RSPH14: variants seen among roughly 807,000 people sequenced by gnomAD.
RSPH14 encodes radial spoke head 14 homolog.
A neutral mutation model predicts 26.7 loss-of-function variants in RSPH14; 20 were observed. The ratio of observed to expected loss-of-function variants is 0.75; its 90% CI spans 0.53 to 1.09. The LOEUF is 1.09. Ranked by LOEUF, RSPH14 falls within the 50% of genes least tolerant of loss-of-function variation. The pLI is 0.00. For missense variants in RSPH14, 449 were observed against 457.2 expected, an observed-to-expected ratio of 0.98 and a Z score of 0.16; for synonymous variants, 177 against 189.3, an observed-to-expected ratio of 0.93 and a Z score of 0.53.
At chr22:23,148,415 C>T (rs570457511), upstream of RSPH14, among the ~76,000 whole-genome samples, 267 of 152,304 alleles carry the variant, frequency 1.8e-3, 1 homozygote, top group African/African-American at 5.8e-3. Flanking sequence ...GCAGAGCAGA[C>T]GGCGAGGATC....
chr22:23,074,973 G>A (rs1399642270), intron 4 of RSPH14, among the ~76,000 whole-genome samples: 1 of 152,182 alleles, frequency 6.6e-6, no homozygotes, highest in Admixed American at 6.5e-5. Context: ...TTTGAGACCA[G>A]CCTGAGCAAC....
At chr22:23,173,875 C>T in the RSPH14 span, among the ~76,000 whole-genome samples, 118,844 of 151,712 alleles carry the variant, frequency 0.78, 46,860 homozygotes, top group East Asian at 0.99. Flanking sequence ...ACCAGGCTAA[C>T]TTTTTCATAT....
the RSPH14 span, among the ~76,000 whole-genome samples, chr22:23,166,147 T>TTAA: frequency 1.7e-5 from 1 of 59,888 alleles, no homozygotes; most frequent in African/African-American, 7.1e-5. Flanking sequence ...CTCTGTCTTT[T>TTAA]AAAAAAAAAA....
chr22:23,158,051 T>G, the RSPH14 span: 3 of 1,613,972 alleles, frequency 1.9e-6, no homozygotes, highest in African/African-American at 2.7e-5. Context: ...CAGGTAAGTC[T>G]GGGCTCTCTG....
At chr22:23,129,516 T>C (rs2070256715) in intron 4 of RSPH14, among the ~76,000 whole-genome samples, 1 of 150,898 alleles carries the variant, frequency 6.6e-6, no homozygotes, top group Non-Finnish European at 1.5e-5. Context: ...GAAGAAAATA[T>C]GGCAGAATAT....
chr22:23,059,676 A>G lies in RSPH14; in HGVS notation c.833T>C (p.Leu278Pro). The change falls in exon 7 of 7, where the codon CTG becomes CCG. Residue 278 changes from leucine to proline, a missense_variant. Coordinates refer to ENST00000216036, the MANE Select transcript of RSPH14 (RefSeq NM_014433.3). ...ALEAQAIGLL[L>P]ELLHSPMTIA... is the part of the protein sequence containing the mutation. ...GGTCATGGGGGAGTGCAGCAGCTCCAGGAGCAGGCCGATGGCTTGTGCCTC... is the reference window on the plus strand; with the variant it reads ...GGTCATGGGGGAGTGCAGCAGCTCCGGGAGCAGGCCGATGGCTTGTGCCTC... The G allele has an allele frequency of 6.4e-7, 1 of 1,573,168 alleles. No individual in the cohort carries two copies. The highest frequency in any genetic ancestry group is 8.6e-7 in the Non-Finnish European group (1 of 1,158,554).
At chr22:23,164,203 C>T in the RSPH14 span, 1 of 152,310 alleles carries the variant, frequency 6.6e-6, no homozygotes, top group East Asian at 1.9e-4. Context: ...CAGCTCCCTT[C>T]CCTTGCCCCT....
the RSPH14 span, chr22:23,150,185 A>G: frequency 6.5e-7 from 1 of 1,545,392 alleles, no homozygotes; most frequent in Non-Finnish European, 8.9e-7. Flanking sequence ...ATGGGGGAGC[A>G]GGTGGCAAGA....
intron 4 of RSPH14, among the ~76,000 whole-genome samples, chr22:23,125,573 G>A (rs1374772807): frequency 2.0e-5 from 3 of 152,184 alleles, no homozygotes; most frequent in Non-Finnish European, 2.9e-5. Flanking sequence ...AGAAGTCAAC[G>A]GAGTGCATTC....
intron 5 of RSPH14, 58 bp downstream of exon 5, chr22:23,063,844 T>C (rs1237475234): frequency 6.4e-7 from 1 of 1,552,078 alleles, no homozygotes; most frequent in Non-Finnish European, 8.8e-7. Flanking sequence ...TCTGGACCAG[T>C]CCAGCTCAGG....
intron 6 of RSPH14, 95 bp downstream of exon 6, chr22:23,061,714 T>C (rs941627284): frequency 6.6e-7 from 1 of 1,507,856 alleles, no homozygotes; most frequent in Admixed American, 1.9e-5. Flanking sequence ...AGTGTGGAGT[T>C]TGGGGGACGA....
the RSPH14 span, among the ~76,000 whole-genome samples, chr22:23,164,639 A>T: frequency 1.4e-4 from 21 of 152,040 alleles, no homozygotes; most frequent in East Asian, 7.8e-4. Context: ...TTGTGGGCCC[A>T]GGCAAGCAGC....
the RSPH14 span, among the ~76,000 whole-genome samples, chr22:23,165,932 G>T: frequency 2.4e-4 from 36 of 152,208 alleles, no homozygotes; most frequent in African/African-American, 7.2e-4. Flanking sequence ...GGATCACGAG[G>T]TCAGGAGATA....
intron 4 of RSPH14, among the ~76,000 whole-genome samples, chr22:23,111,792 C>T (rs1262647519): frequency 1.3e-5 from 2 of 152,212 alleles, no homozygotes; most frequent in Non-Finnish European, 2.9e-5. Context: ...GGGCAAGCCC[C>T]TTTGGACTTA....
chr22:23,161,569 G>A, the RSPH14 span: 803,934 of 1,601,454 alleles, frequency 0.5, 203,563 homozygotes, highest in East Asian at 0.63. Context: ...TGCTAACTGG[G>A]GCCTGCGTGG....
At chr22:23,114,554 C>CA in intron 4 of RSPH14, among the ~76,000 whole-genome samples, 1 of 152,230 alleles carries the variant, frequency 6.6e-6, no homozygotes, top group Non-Finnish European at 1.5e-5. Flanking sequence ...TGTCACCTGT[C>CA]AGAGTTGTAG....
chr22:23,112,501 T>C (rs1357610536), intron 4 of RSPH14, among the ~76,000 whole-genome samples: 1 of 152,100 alleles, frequency 6.6e-6, no homozygotes, highest in East Asian at 1.9e-4. Context: ...ATGACAGCCC[T>C]GGACACAGCA....
the RSPH14 span, among the ~76,000 whole-genome samples, chr22:23,175,349 T>G: frequency 6.6e-6 from 1 of 150,600 alleles, no homozygotes; most frequent in Admixed American, 6.6e-5. Context: ...GGCTTGTTTG[T>G]TTGTTTTTTC....
chr22:23,106,101 A>T (rs890300553), intron 4 of RSPH14, among the ~76,000 whole-genome samples: 8 of 152,228 alleles, frequency 5.3e-5, no homozygotes, highest in African/African-American at 1.9e-4. Context: ...ACCTCCAGTC[A>T]CGTGACTCCC....
Sources: allele counts gnomAD v4.1 joint callset (sites outside exome capture counted in the v4.1 genomes callset), GRCh38; gene constraint gnomAD v4.1.1; transcripts MANE v1.5; gene names NCBI Gene and HGNC (gene_info 2026-07-23, HGNC 2026-07-21).